The following LRFN5 variants were observed in gnomAD, a reference collection of about 807,000 sequenced individuals.
LRFN5 encodes the protein leucine-rich repeat and fibronectin type-III domain-containing protein 5.
LRFN5 carries 24 observed loss-of-function variants against 45.6 expected under a neutral mutation model. That is an observed-to-expected ratio of 0.53 (90% CI 0.38 to 0.74). The LOEUF (loss-of-function observed/expected upper bound fraction) is 0.74, where lower values mean the gene tolerates loss of function less well. LRFN5 is among the 30% of genes least tolerant of loss of function. LRFN5 has a pLI of 0.00. For missense variants in LRFN5, 776 were observed against 861.5 expected (o/e 0.90, Z 1.24); for synonymous variants, 340 against 313.8 (o/e 1.08, Z -0.88).
intron 2 of LRFN5, among the ~76,000 whole-genome samples, chr14:41,819,006 T>C (rs1213316063): frequency 6.6e-6 from 1 of 152,208 alleles, no homozygotes; most frequent in Non-Finnish European, 1.5e-5. Flanking sequence ...GGCTGTGTTT[T>C]TGAGTTATTT....
intron 2 of LRFN5, among the ~76,000 whole-genome samples, chr14:41,780,101 C>T (rs1260365685): frequency 1.3e-5 from 2 of 151,604 alleles, no homozygotes; most frequent in African/African-American, 4.8e-5. Flanking sequence ...GTAGGCAGTG[C>T]TTTCACTGGT....
chr14:41,831,195 G>A (rs1888465888), intron 2 of LRFN5, among the ~76,000 whole-genome samples: 1 of 152,252 alleles, frequency 6.6e-6, no homozygotes, highest in East Asian at 1.9e-4. Flanking sequence ...AAGAGGATAT[G>A]TGTTACATTA....
intron 1 of LRFN5, among the ~76,000 whole-genome samples, chr14:41,690,600 A>T (rs1882336676): frequency 6.6e-6 from 1 of 152,218 alleles, no homozygotes. Context: ...TCCTTTAAGG[A>T]TAAAGACCTT....
At chr14:41,671,604 ATT>A (rs776231551) in intron 1 of LRFN5, among the ~76,000 whole-genome samples, 1 of 91,078 alleles carries the variant, frequency 1.1e-5, no homozygotes, top group African/African-American at 4.6e-5. Flanking sequence ...TGGAGGAGAG[ATT>A]TTTTTTTTTC....
In LRFN5 at chr14:41,904,262, G is replaced by A; in HGVS notation, c.*87G>A. 6.8e-7 allele frequency: 1 copy of A among 1,477,652 alleles called. No individual in the cohort carries two copies. Among genetic ancestry groups the A allele is most frequent in the Non-Finnish European group, 9.4e-7 (1 of 1,064,478 alleles). The allele number at this position is 1,477,652 out of a possible 1,614,324, so 91.5% of individuals were successfully genotyped here. A position where few individuals can be genotyped will look rare whatever the true frequency, so the allele number is the denominator to read the frequency against. ...ATTCAAAAATGTTTCAATTCACAAA[G>A]GCTAATTGTTGAACTGGTGTCGTAG... is the stretch of plus-strand genomic sequence containing the variant. On this transcript the variant is annotated 3_prime_UTR_variant, in exon 6 of 6. Coordinates refer to ENST00000298119, the MANE Select transcript of LRFN5 (RefSeq NM_152447.5).
At chr14:41,737,917 T>C (rs1884513726) in intron 1 of LRFN5, among the ~76,000 whole-genome samples, 1 of 152,146 alleles carries the variant, frequency 6.6e-6, no homozygotes, top group Admixed American at 6.6e-5. Flanking sequence ...TAAATGGTCA[T>C]ACCACCCAAA....
At chr14:41,727,057 T>G (rs920314451) in intron 1 of LRFN5, among the ~76,000 whole-genome samples, 4 of 152,218 alleles carry the variant, frequency 2.6e-5, no homozygotes, top group Admixed American at 6.6e-5. Flanking sequence ...TAGTCAGTGC[T>G]TATACATAGG....
chr14:41,839,273 G>A (rs910799326), intron 2 of LRFN5, among the ~76,000 whole-genome samples: 2 of 152,050 alleles, frequency 1.3e-5, no homozygotes, highest in African/African-American at 4.8e-5. Flanking sequence ...TTCAGCAGAT[G>A]TGGTGTCCTA....
intron 2 of LRFN5, among the ~76,000 whole-genome samples, chr14:41,780,488 T>C (rs971402743): frequency 6.6e-6 from 1 of 152,104 alleles, no homozygotes; most frequent in Non-Finnish European, 1.5e-5. Flanking sequence ...CTGAAATTGA[T>C]ATAGCTACTT....
At chr14:41,777,815 T>G (rs1225063236) in intron 2 of LRFN5, among the ~76,000 whole-genome samples, 2 of 151,828 alleles carry the variant, frequency 1.3e-5, no homozygotes, top group Non-Finnish European at 3.0e-5. Flanking sequence ...TCCCTTTTAT[T>G]ATCTTCTTCA....
chr14:41,869,442 A>G (rs899929218), intron 2 of LRFN5, among the ~76,000 whole-genome samples: 1 of 151,698 alleles, frequency 6.6e-6, no homozygotes, highest in African/African-American at 2.4e-5. Flanking sequence ...TTTTTTTTTA[A>G]AAAAAGGTTT....
chr14:41,740,234 A>G (rs1017394750), intron 1 of LRFN5, among the ~76,000 whole-genome samples: 3 of 152,042 alleles, frequency 2.0e-5, no homozygotes, highest in African/African-American at 7.2e-5. Flanking sequence ...ATACAAGGAC[A>G]CTACAAGAAA....
intron 2 of LRFN5, among the ~76,000 whole-genome samples, chr14:41,859,976 T>C (rs1400127288): frequency 9.2e-5 from 14 of 152,064 alleles, no homozygotes; most frequent in Admixed American, 9.2e-4. Context: ...GGCAAAGACA[T>C]GTGGAGTATA....
intron 2 of LRFN5, among the ~76,000 whole-genome samples, chr14:41,852,274 CT>C (rs1179259768): frequency 2.0e-5 from 3 of 151,758 alleles, no homozygotes; most frequent in Non-Finnish European, 3.0e-5. Flanking sequence ...ATCTATACTT[CT>C]TTTTTTGCAT....
At chr14:41,758,610 A>T (rs976436198) in intron 1 of LRFN5, among the ~76,000 whole-genome samples, 9 of 152,228 alleles carry the variant, frequency 5.9e-5, no homozygotes, top group African/African-American at 1.9e-4. Context: ...ATGCTGAACA[A>T]GAAAAGACCA....
intron 2 of LRFN5, among the ~76,000 whole-genome samples, chr14:41,876,481 A>C (rs550517727): frequency 6.9e-6 from 1 of 145,058 alleles, no homozygotes; most frequent in South Asian, 2.2e-4. Context: ...TATTTTTAGT[A>C]GAGATGGGGT....
intron 1 of LRFN5, among the ~76,000 whole-genome samples, chr14:41,713,923 C>T (rs1883383954): frequency 6.6e-6 from 1 of 152,040 alleles, no homozygotes; most frequent in Admixed American, 6.6e-5. Flanking sequence ...AAGGTTCATG[C>T]CTGTATTTCT....
At chr14:41,733,507 G>A (rs1483796916) in intron 1 of LRFN5, 2 of 152,024 alleles carry the variant, frequency 1.3e-5, no homozygotes, top group African/African-American at 4.8e-5. Context: ...ATAAAGAAAA[G>A]CTGAAGTAGT....
intron 2 of LRFN5, among the ~76,000 whole-genome samples, chr14:41,807,357 C>T (rs1173485358): frequency 6.6e-6 from 1 of 152,032 alleles, no homozygotes; most frequent in East Asian, 1.9e-4. Context: ...CTTGTTAAAA[C>T]CTGTTAGCCA....
Sources: allele counts gnomAD v4.1 joint callset (sites outside exome capture counted in the v4.1 genomes callset), GRCh38; gene constraint gnomAD v4.1.1; transcripts MANE v1.5; gene names NCBI Gene and HGNC (gene_info 2026-07-23, HGNC 2026-07-21).